The following CSMD2 variants were observed in gnomAD, a reference collection of about 807,000 sequenced individuals.
CSMD2 encodes CUB and sushi domain-containing protein 2.
In CSMD2, 130 loss-of-function variants were observed where a neutral mutation model predicts 398.5. The observed-to-expected ratio is 0.33, with a 90% CI of 0.28 to 0.38. The LOEUF (loss-of-function observed/expected upper bound fraction) is 0.38. Ranked by LOEUF, CSMD2 falls within the 10% of genes least tolerant of loss-of-function variation. CSMD2 has a pLI of 1.00. For missense variants in CSMD2, 3,829 were observed against 4,764.9 expected, an observed-to-expected ratio of 0.80 and a Z score of 5.78; for synonymous variants, 1,828 against 1,908.5, an observed-to-expected ratio of 0.96 and a Z score of 1.10.
intron 56 of CSMD2, 98 bp downstream of exon 56, chr1:33,550,079 C>T: frequency 1.6e-6 from 2 of 1,259,456 alleles, no homozygotes; most frequent in Non-Finnish European, 2.3e-6. Context: ...GTCTGATTCC[C>T]TCCCATCCAT....
intron 29 of CSMD2, among the ~76,000 whole-genome samples, chr1:33,642,982 ACATCTCT>A (rs1326681848): frequency 1.3e-5 from 2 of 152,176 alleles, no homozygotes; most frequent in Non-Finnish European, 2.9e-5. Context: ...GAGTCCAGCA[ACATCTCT>A]CTATGTGGGG....
At chr1:33,890,293 C>T (rs1183403106) in intron 5 of CSMD2, among the ~76,000 whole-genome samples, 1 of 141,544 alleles carries the variant, frequency 7.1e-6, no homozygotes, top group Non-Finnish European at 1.5e-5. Context: ...TGCAGTGGAG[C>T]GATCGTTGCT....
At chr1:33,645,148 A>T (rs1365923945) in intron 29 of CSMD2, among the ~76,000 whole-genome samples, 1 of 152,060 alleles carries the variant, frequency 6.6e-6, no homozygotes, top group Admixed American at 6.6e-5. Flanking sequence ...ATTAGGGGAC[A>T]CTTTAAAAGG....
chr1:33,631,496 G>C (rs901465160), intron 32 of CSMD2, among the ~76,000 whole-genome samples: 3 of 152,100 alleles, frequency 2.0e-5, no homozygotes, highest in Non-Finnish European at 2.9e-5. Flanking sequence ...ATTATGAAGA[G>C]TCTGATGACT....
At chr1:33,787,612 T>C (rs1428189865) in intron 12 of CSMD2, among the ~76,000 whole-genome samples, 1 of 152,196 alleles carries the variant, frequency 6.6e-6, no homozygotes, top group East Asian at 1.9e-4. Flanking sequence ...ATCTCGCCAC[T>C]AGAGCACAAG....
intron 12 of CSMD2, among the ~76,000 whole-genome samples, chr1:33,776,001 A>G (rs973623808): frequency 1.3e-5 from 2 of 152,198 alleles, no homozygotes; most frequent in African/African-American, 4.8e-5. Flanking sequence ...TCACATTGAT[A>G]CTGCCAGGAT....
chr1:34,028,570 C>T (rs1003757808), intron 3 of CSMD2, among the ~76,000 whole-genome samples: 8 of 152,138 alleles, frequency 5.3e-5, no homozygotes, highest in Non-Finnish European at 8.8e-5. Context: ...GAAATGGAGT[C>T]ACTAGCCTCT....
chr1:33,595,731 G>A (rs1014915570), intron 44 of CSMD2, among the ~76,000 whole-genome samples: 5 of 152,128 alleles, frequency 3.3e-5, no homozygotes, highest in Non-Finnish European at 7.3e-5. Context: ...CTTAGTTTCT[G>A]CCATAAGATA....
intron 5 of CSMD2, among the ~76,000 whole-genome samples, chr1:33,882,506 T>A (rs1641304646): frequency 6.6e-6 from 1 of 152,362 alleles, no homozygotes; most frequent in South Asian, 2.1e-4. Flanking sequence ...GTTAATCCTT[T>A]GTAGAATAGG....
intron 58 of CSMD2, among the ~76,000 whole-genome samples, chr1:33,542,288 G>A (rs571588900): frequency 2.6e-5 from 4 of 152,300 alleles, no homozygotes; most frequent in African/African-American, 7.2e-5. Context: ...AGGACAGAAC[G>A]AAGCAACAAA....
At chr1:34,080,909 GACTA>G (rs371386598) in intron 2 of CSMD2, among the ~76,000 whole-genome samples, 11 of 119,744 alleles carry the variant, frequency 9.2e-5, no homozygotes, top group Admixed American at 3.6e-4. Context: ...CTTCTGGCAA[GACTA>G]ACTGAGTGGA....
intron 2 of CSMD2, among the ~76,000 whole-genome samples, chr1:34,087,453 A>G (rs1658013672): frequency 6.6e-6 from 1 of 150,818 alleles, no homozygotes; most frequent in African/African-American, 2.4e-5. Context: ...GGGGAACATC[A>G]CACACCGGGG....
chr1:33,790,518 G>A (rs1351900303), intron 11 of CSMD2, among the ~76,000 whole-genome samples: 1 of 152,120 alleles, frequency 6.6e-6, no homozygotes, highest in African/African-American at 2.4e-5. Flanking sequence ...GAACCTACTG[G>A]CATTTGGACT....
Position 33,519,373 on chromosome 1 carries a change from G to C in CSMD2, c.*53+92C>G. ...TCCTCTTACTGGGTGTGTCTATGTG[G>C]TGTGTGCGACTCCGTTGGGTGGAGC... On this transcript the variant is annotated intron_variant, in intron 70 of 70. Coordinates refer to ENST00000373381, the MANE Select transcript of CSMD2 (RefSeq NM_001281956.2). This position sits in a 1 kb window ranked among gnomAD's most constrained non-coding sequence, Gnocchi z 5.6. The C allele has an allele frequency of 1.4e-6, 1 of 720,268 alleles. No individual in the cohort carries two copies. The highest frequency in any genetic ancestry group is 2.3e-6 in the Non-Finnish European group (1 of 427,318). 44.6% of individuals were successfully genotyped at this position (720,268 alleles called of 1,614,324 possible). A position where few individuals can be genotyped will look rare whatever the true frequency, so the allele number is the denominator to read the frequency against.
At chr1:33,721,244 G>T (rs546380264) in intron 19 of CSMD2, among the ~76,000 whole-genome samples, 4 of 152,238 alleles carry the variant, frequency 2.6e-5, no homozygotes, top group Admixed American at 2.0e-4. Flanking sequence ...TCACATATTG[G>T]TCATGCTATA....
chr1:33,944,236 C>CA (rs1459324500), intron 3 of CSMD2, among the ~76,000 whole-genome samples: 1 of 152,006 alleles, frequency 6.6e-6, no homozygotes, highest in Non-Finnish European at 1.5e-5. Context: ...GAACGCCCCC[C>CA]CCCCAACTCC....
At chr1:34,004,235 T>C (rs1646989996) in intron 3 of CSMD2, among the ~76,000 whole-genome samples, 1 of 152,214 alleles carries the variant, frequency 6.6e-6, no homozygotes, top group Non-Finnish European at 1.5e-5. Context: ...GAGAGATGAA[T>C]GAGGTCCCAG....
chr1:34,155,857 A>G (rs998281555), intron 1 of CSMD2, among the ~76,000 whole-genome samples: 2 of 152,200 alleles, frequency 1.3e-5, no homozygotes, highest in East Asian at 3.8e-4. Flanking sequence ...CCATCATTGC[A>G]TAGACACACT....
intron 1 of CSMD2, among the ~76,000 whole-genome samples, chr1:34,111,645 C>A (rs1661086940): frequency 6.6e-6 from 1 of 152,180 alleles, no homozygotes; most frequent in Non-Finnish European, 1.5e-5. Context: ...AAATGGGGAT[C>A]AGGGTAAGTA....
Sources: gnomAD v4.1 joint callset for allele counts (sites outside exome capture counted in the v4.1 genomes callset) on GRCh38, gnomAD v4.1.1 for gene constraint, Gnocchi (gnomAD v3.1) non-coding constraint, MANE v1.5 for transcripts, NCBI Gene and HGNC (gene_info 2026-07-23, HGNC 2026-07-21) for gene names.